Variants in GRM3 observed in about 807,000 individuals in gnomAD.
The protein encoded by GRM3 is metabotropic glutamate receptor 3.
In GRM3, 26 loss-of-function variants were observed where a neutral mutation model predicts 70.5. The observed-to-expected ratio is 0.37, with a 90% CI of 0.27 to 0.51. GRM3 has a LOEUF of 0.51. Among genes scored for constraint, GRM3 ranks in the 20% least tolerant of loss-of-function variants. GRM3 has a pLI of 0.93. For missense variants in GRM3, 859 were observed against 1,123.8 expected (o/e 0.76, Z 3.37); for synonymous variants, 443 against 434.9 (o/e 1.02, Z -0.23).
Position 86,823,566 on chromosome 7 carries a change from G to T in GRM3, c.1325-15273G>T, listed in dbSNP as rs558505918. Among the ~76,000 whole-genome samples the T allele has an allele frequency of 2.8e-5, 4 of 142,276 alleles. No individual in the cohort carries two copies. In the South Asian group the frequency reaches 8.9e-4, roughly 32 times the overall value. 93.3% of individuals were successfully genotyped at this position (142,276 alleles called of 152,430 possible). A position where few individuals can be genotyped will look rare whatever the true frequency, so the allele number is the denominator to read the frequency against. On this transcript the variant is annotated intron_variant, in intron 3 of 5. Coordinates refer to ENST00000361669, the MANE Select transcript of GRM3 (RefSeq NM_000840.3). ...AGCTAGAACTAACAGAAATTCAGCG[G>T]TTAGCTGTGTGAGGTATTTTTTTTT... is the stretch of plus-strand genomic sequence containing the variant.
intron 1 of GRM3, among the ~76,000 whole-genome samples, chr7:86,755,694 C>T (rs1489880893): frequency 1.3e-5 from 2 of 152,108 alleles, no homozygotes; most frequent in Non-Finnish European, 2.9e-5. Flanking sequence ...AATATTCTCT[C>T]AAATGCTACT....
intron 1 of GRM3, among the ~76,000 whole-genome samples, chr7:86,698,393 T>C (rs1015166769): frequency 1.3e-5 from 2 of 151,926 alleles, no homozygotes; most frequent in African/African-American, 4.8e-5. Flanking sequence ...CTTTGGATGT[T>C]AATCTGACTG....
chr7:86,770,834 TCTCTCTGTGGACAAATAGGTTGA>T (rs769070977), intron 2 of GRM3, among the ~76,000 whole-genome samples: 16 of 152,024 alleles, frequency 1.1e-4, no homozygotes, highest in Non-Finnish European at 2.1e-4. Flanking sequence ...ACAAGTACAC[TCTCTCTGTGGACAAATAGGTTGA>T]CTCTAGAGCA....
At chr7:86,833,181 G>A (rs1166265738) in intron 3 of GRM3, 13 of 849,876 alleles carry the variant, frequency 1.5e-5, no homozygotes, top group African/African-American at 1.9e-5. Context: ...TCACTCACAG[G>A]TGGGAATTGA....
chr7:86,777,608 T>C (rs1180398306), intron 2 of GRM3, among the ~76,000 whole-genome samples: 1 of 152,206 alleles, frequency 6.6e-6, no homozygotes, highest in Non-Finnish European at 1.5e-5. Flanking sequence ...ATTCCTGGTC[T>C]TGGGACATGG....
intron 1 of GRM3, among the ~76,000 whole-genome samples, chr7:86,693,283 T>A (rs1048946545): frequency 3.9e-5 from 6 of 152,212 alleles, no homozygotes; most frequent in African/African-American, 1.4e-4. Context: ...GAAGTAGAAG[T>A]TGCATACAAT....
At chr7:86,809,940 T>C (rs915646394) in intron 3 of GRM3, among the ~76,000 whole-genome samples, 3 of 152,056 alleles carry the variant, frequency 2.0e-5, no homozygotes, top group Non-Finnish European at 4.4e-5. Context: ...TCAAAGGGAA[T>C]GTAAATTTCA....
chr7:86,828,519 T>A (rs1189866102), intron 3 of GRM3, among the ~76,000 whole-genome samples: 9 of 152,234 alleles, frequency 5.9e-5, no homozygotes, highest in Admixed American at 5.2e-4. Flanking sequence ...ATATAAAAGT[T>A]ATATTTACAC....
intron 5 of GRM3, among the ~76,000 whole-genome samples, chr7:86,863,953 T>G (rs780692383): frequency 2.6e-5 from 4 of 152,180 alleles, no homozygotes; most frequent in Non-Finnish European, 5.9e-5. Flanking sequence ...TGACCTACAA[T>G]AGCATTTTAA....
intron 3 of GRM3, among the ~76,000 whole-genome samples, chr7:86,819,535 C>T (rs910904549): frequency 1.3e-5 from 2 of 152,038 alleles, no homozygotes; most frequent in Admixed American, 6.6e-5. Flanking sequence ...ACTGTAGCAG[C>T]AACAATCAGA....
At chr7:86,819,279 T>G (rs933648516) in intron 3 of GRM3, among the ~76,000 whole-genome samples, 2 of 152,120 alleles carry the variant, frequency 1.3e-5, no homozygotes, top group Non-Finnish European at 2.9e-5. Context: ...CCTTTCTCCT[T>G]AATTCTGCAA....
In GRM3 at chr7:86,839,961, T is replaced by A; in HGVS notation, c.2391+56T>A. On this transcript the variant is annotated intron_variant, in intron 4 of 5. Coordinates refer to ENST00000361669, the MANE Select transcript of GRM3 (RefSeq NM_000840.3). This position sits in a 1 kb window ranked among gnomAD's most constrained non-coding sequence, Gnocchi z 4.5. ...GTTCTTTCTCCTCCAGTGTTTCTTG[T>A]GTAGTATTTAAAATAGACTCCTTTT... 9.8e-7 allele frequency: 1 copy of A among 1,022,182 alleles called. No individual in the cohort carries two copies. The highest frequency in any genetic ancestry group is 1.5e-6 in the Non-Finnish European group (1 of 664,168). 63.3% of individuals were successfully genotyped at this position (1,022,182 alleles called of 1,614,324 possible). A position where few individuals can be genotyped will look rare whatever the true frequency, so the allele number is the denominator to read the frequency against.
chr7:86,747,937 C>G (rs1228867151), intron 1 of GRM3, among the ~76,000 whole-genome samples: 1 of 152,032 alleles, frequency 6.6e-6, no homozygotes, highest in African/African-American at 2.4e-5. Context: ...CTGGAGCTAA[C>G]GTTTGCGCAG....
Position 86,644,233 on chromosome 7 carries a change from C to T in GRM3, c.-780C>T. On this transcript the variant is annotated 5_prime_UTR_variant, in exon 1 of 6. Transcript: ENST00000361669. ...AGTCGGCAAATCTACCCTGGCTTTT[C>T]GTATAAAAATCCTCTCGTCTAGGTA... 1 of 173,896 alleles carries T rather than the reference C, an allele frequency of 5.8e-6. No homozygotes were observed. The highest frequency in any genetic ancestry group is 1.2e-5 in the Non-Finnish European group (1 of 81,072). 10.8% of individuals were successfully genotyped at this position (173,896 alleles called of 1,614,324 possible).
At chr7:86,785,925 C>T (rs575297187) in intron 2 of GRM3, 3 of 189,352 alleles carry the variant, frequency 1.6e-5, no homozygotes, top group South Asian at 2.5e-4. Flanking sequence ...ATAGCAGGAC[C>T]CCAGAAACTT....
intron 2 of GRM3, among the ~76,000 whole-genome samples, chr7:86,772,426 A>G (rs546621765): frequency 1.3e-5 from 2 of 152,220 alleles, no homozygotes; most frequent in Admixed American, 1.3e-4. Flanking sequence ...CAAGGCGAGC[A>G]TGTGGGACAA....
intron 3 of GRM3, among the ~76,000 whole-genome samples, chr7:86,790,426 A>G (rs1187578192): frequency 6.6e-6 from 1 of 152,160 alleles, no homozygotes; most frequent in African/African-American, 2.4e-5. Flanking sequence ...CATTTCTGTG[A>G]TAGCCTCCTA....
intron 2 of GRM3, among the ~76,000 whole-genome samples, chr7:86,771,787 G>A (rs1310987284): frequency 6.6e-6 from 1 of 152,036 alleles, no homozygotes. Flanking sequence ...TAGCAGACAG[G>A]AATAGAATTG....
chr7:86,784,575 G>C (rs1797174763), intron 2 of GRM3: 1 of 152,136 alleles, frequency 6.6e-6, no homozygotes, highest in African/African-American at 2.4e-5. Flanking sequence ...GGTGACACCT[G>C]CCATTTCAGT....
Sources: allele counts gnomAD v4.1 joint callset (sites outside exome capture counted in the v4.1 genomes callset), GRCh38; gene constraint gnomAD v4.1.1; non-coding constraint Gnocchi (gnomAD v3.1); transcripts MANE v1.5; gene names NCBI Gene and HGNC (gene_info 2026-07-23, HGNC 2026-07-21).